FGD4: variants seen among roughly 807,000 people sequenced by gnomAD.
FGD4 encodes the protein FYVE, RhoGEF and PH domain-containing protein 4.
A neutral mutation model predicts 102.0 loss-of-function variants in FGD4; 42 were observed. The observed-to-expected ratio is 0.41, with a 90% CI of 0.32 to 0.53. The LOEUF (loss-of-function observed/expected upper bound fraction) is 0.53, where lower values mean the gene tolerates loss of function less well. FGD4 is among the 20% of genes least tolerant of loss of function. FGD4 has a pLI of 0.21. For missense variants in FGD4, 902 were observed against 1,078.2 expected (o/e 0.84, Z 2.29); for synonymous variants, 380 against 375.7 (o/e 1.01, Z -0.13).
chr12:32,609,900 G>C lies in FGD4; in HGVS notation c.1544-876G>C, dbSNP rs190261034. Among the ~76,000 whole-genome samples the C allele has an allele frequency of 2.0e-3, 312 of 152,298 alleles. 3 individuals are homozygous for C. Among genetic ancestry groups the C allele is most frequent in the Middle Eastern group, 0.01 (3 of 294 alleles). On this transcript the variant is annotated intron_variant, in intron 8 of 16. Coordinates refer to ENST00000534526, the MANE Select transcript of FGD4 (RefSeq NM_001370298.3). The stretch of plus-strand genomic sequence containing the variant: ...GTTTTTCCTAGGGTTAGTCCAGCAA[G>C]AGGTCTCGGCATCCACAGCACTTCA...
intron 1 of FGD4, among the ~76,000 whole-genome samples, chr12:32,401,505 C>T (rs1388700520): frequency 1.3e-5 from 2 of 152,096 alleles, no homozygotes; most frequent in African/African-American, 4.8e-5. Context: ...AAGTGATCCG[C>T]CCGCCTCAGC....
At chr12:32,631,965 G>T (rs577225947) in intron 14 of FGD4, among the ~76,000 whole-genome samples, 1 of 152,278 alleles carries the variant, frequency 6.6e-6, no homozygotes, top group African/African-American at 2.4e-5. Flanking sequence ...TAAACAAAAT[G>T]GATGGTAATG....
chr12:32,462,566 TGA>T (rs1943136709), intron 1 of FGD4, among the ~76,000 whole-genome samples: 1 of 135,846 alleles, frequency 7.4e-6, no homozygotes, highest in Non-Finnish European at 1.5e-5. Flanking sequence ...TTATACATTC[TGA>T]TTTTTTTTTA....
intron 15 of FGD4, among the ~76,000 whole-genome samples, chr12:32,636,264 G>A (rs977540206): frequency 2.6e-5 from 4 of 152,028 alleles, no homozygotes; most frequent in African/African-American, 4.8e-5. Flanking sequence ...GGCCAGGTGC[G>A]GTGTGGCTCA....
chr12:32,557,533 A>C (rs548965521), intron 1 of FGD4, among the ~76,000 whole-genome samples: 1 of 152,196 alleles, frequency 6.6e-6, no homozygotes, highest in Non-Finnish European at 1.5e-5. Flanking sequence ...TTACCTTTAC[A>C]TGTACAGGGC....
rs1466849117 is a variant in FGD4, at chr12:32,584,096, A to G, written c.1011+1629A>G. Among the ~76,000 whole-genome samples the G allele has an allele frequency of 2.0e-5, 3 of 152,208 alleles. No individual in the cohort carries two copies. The East Asian group carries it at 5.8e-4, about 29-fold the overall frequency. Reference sequence around the variant, plus strand: ...GGGAGAGATTTTATAGAATTTTCCTATTAAACTAGTGAAACATAGAATAGT... The same window carrying G: ...GGGAGAGATTTTATAGAATTTTCCTGTTAAACTAGTGAAACATAGAATAGT... On this transcript the variant is annotated intron_variant, in intron 4 of 16. Transcript: ENST00000534526.
chr12:32,406,703 A>G (rs1940947478), intron 1 of FGD4, among the ~76,000 whole-genome samples: 1 of 152,174 alleles, frequency 6.6e-6, no homozygotes, highest in African/African-American at 2.4e-5. Context: ...CCATTCTACC[A>G]GCTGTTTCAG....
intron 1 of FGD4, among the ~76,000 whole-genome samples, chr12:32,562,182 C>T (rs1033930472): frequency 5.3e-5 from 8 of 152,182 alleles, no homozygotes; most frequent in African/African-American, 1.7e-4. Context: ...TCCTTTCCTT[C>T]GCCTACATTG....
intron 1 of FGD4, among the ~76,000 whole-genome samples, chr12:32,513,614 G>A (rs1473489452): frequency 6.6e-6 from 1 of 152,172 alleles, no homozygotes; most frequent in Non-Finnish European, 1.5e-5. Context: ...ATTAAGACTG[G>A]CACAAGGATG....
At chr12:32,476,400 T>C (rs1943585224) in intron 1 of FGD4, among the ~76,000 whole-genome samples, 1 of 152,246 alleles carries the variant, frequency 6.6e-6, no homozygotes. Flanking sequence ...CTCTGATCTG[T>C]GTGCTGACAG....
At position 32,525,923 on chromosome 12, in the gene FGD4, G is replaced by A. The variant is rs556462220; in HGVS notation, c.167-38214G>A. ...GCTGCCTTCCCACGGGGCAGGGCTC[G>A]GGACCTACAGCCCGCCATGCCTGAG... On this transcript the variant is annotated intron_variant, in intron 1 of 16. Transcript: ENST00000534526. 5.3e-5 allele frequency among the ~76,000 whole-genome samples: 8 copies of A among 152,342 alleles called. No homozygotes were observed. In the East Asian group the frequency reaches 9.6e-4, roughly 18 times the overall value.
intron 1 of FGD4, among the ~76,000 whole-genome samples, chr12:32,513,432 G>A (rs1289399387): frequency 4.6e-5 from 7 of 152,208 alleles, no homozygotes; most frequent in African/African-American, 7.2e-5. Flanking sequence ...CCAGTGAGCC[G>A]TGGAGGGAGC....
intron 1 of FGD4, among the ~76,000 whole-genome samples, chr12:32,551,780 C>T (rs1174687309): frequency 6.6e-6 from 1 of 152,160 alleles, no homozygotes; most frequent in Non-Finnish European, 1.5e-5. Context: ...CCTATCTGCA[C>T]AGTAATATGC....
chr12:32,636,533 CAAA>C (rs1259732254), intron 15 of FGD4, among the ~76,000 whole-genome samples: 2 of 121,828 alleles, frequency 1.6e-5, no homozygotes, highest in Non-Finnish European at 1.8e-5. Flanking sequence ...AACTCCGTCT[CAAA>C]AAAAAAAAAA....
intron 12 of FGD4, chr12:32,624,723 C>T (rs1388913990): frequency 1.2e-5 from 8 of 650,304 alleles, no homozygotes; most frequent in East Asian, 2.9e-5. Context: ...ATCTGCCTGC[C>T]TCGGTCTCCC....
chr12:32,529,038 A>G (rs1309605168), intron 1 of FGD4, among the ~76,000 whole-genome samples: 1 of 152,240 alleles, frequency 6.6e-6, no homozygotes, highest in Admixed American at 6.5e-5. Flanking sequence ...ATATTCAAGC[A>G]ACAGGATTTA....
At chr12:32,410,293 A>C (rs1029255968) in intron 1 of FGD4, among the ~76,000 whole-genome samples, 5 of 151,174 alleles carry the variant, frequency 3.3e-5, no homozygotes, top group Admixed American at 3.3e-4. Flanking sequence ...GTGCCACTGC[A>C]CTCCAGCCTG....
At chr12:32,623,957 T>G (rs146164242) in intron 11 of FGD4, among the ~76,000 whole-genome samples, 36 of 152,160 alleles carry the variant, frequency 2.4e-4, no homozygotes, top group Non-Finnish European at 4.6e-4. Context: ...AATAAATTGT[T>G]TATCAAAGGA....
rs796819588 is a variant in FGD4 at position 32,645,895 on chromosome 12, T to C, written c.*5362T>C. On this transcript the variant is annotated 3_prime_UTR_variant, in exon 17 of 17. Transcript: ENST00000534526. ...AAGTAATTTTTCTTTTCTAGCTATG[T>C]GAATGTAAAATACTTGCAGATAATG... The C allele has an allele frequency of 2.6e-5, 4 of 152,380 alleles. No individual in the cohort carries two copies. Among genetic ancestry groups the C allele is most frequent in the African/African-American group, 9.6e-5 (4 of 41,600 alleles). The allele number at this position is 152,380 out of a possible 1,614,324, so 9.4% of individuals were successfully genotyped here.
Sources: gnomAD v4.1 joint callset for allele counts (sites outside exome capture counted in the v4.1 genomes callset) on GRCh38, gnomAD v4.1.1 for gene constraint, MANE v1.5 for transcripts, NCBI Gene and HGNC (gene_info 2026-07-23, HGNC 2026-07-21) for gene names.